SPG7: variants seen among roughly 807,000 people sequenced by gnomAD.
SPG7 encodes mitochondrial inner membrane m-AAA protease component paraplegin.
In SPG7, 103 loss-of-function variants were observed where a neutral mutation model predicts 81.9. The ratio of observed to expected loss-of-function variants is 1.26; its 90% CI spans 1.07 to 1.48. SPG7 has a LOEUF of 1.48. Ranked by LOEUF, SPG7 falls within the 40% of genes most tolerant of loss-of-function variation. The pLI is 0.00. For synonymous variants in SPG7, 534 were observed against 444.2 expected, an observed-to-expected ratio of 1.20 and a Z score of -2.54; for missense variants, 1,241 against 1,087.3, an observed-to-expected ratio of 1.14 and a Z score of -1.99.
intron 5 of SPG7, chr16:89,529,224 A>G (rs1358904160): frequency 5.3e-6 from 3 of 563,070 alleles, no homozygotes; most frequent in African/African-American, 1.9e-5. Flanking sequence ...TGTTATTGTC[A>G]CAAGGCTGGC....
In SPG7 at chr16:89,518,622, A is replaced by G. The variant is rs545014707; in HGVS notation, c.377-5384A>G. On this transcript the variant is annotated intron_variant, in intron 3 of 16. Transcript: ENST00000645818. ...ACGGAGTGGAAAAAAGGCCCCGCTCACTGATAACGCGGGTGAACCCAGAAG... is the reference window on the plus strand; with the variant it reads ...ACGGAGTGGAAAAAAGGCCCCGCTCGCTGATAACGCGGGTGAACCCAGAAG... 3.9e-5 allele frequency: 6 copies of G among 152,360 alleles called. No homozygotes were observed. The South Asian group carries it at 1.2e-3, about 32-fold the overall frequency. The allele number at this position is 152,360 out of a possible 1,614,324, so 9.4% of individuals were successfully genotyped here.
At chr16:89,550,354 G>C in intron 12 of SPG7, 140 bp from the exon 13 acceptor site, 1 of 698,286 alleles carries the variant, frequency 1.4e-6, no homozygotes, top group South Asian at 1.4e-5. Flanking sequence ...TCTATTTTTA[G>C]TAGGGACGGG....
intron 6 of SPG7, chr16:89,530,481 C>CT (rs1260671470): frequency 4.6e-6 from 3 of 655,438 alleles, no homozygotes; most frequent in African/African-American, 3.6e-5. Context: ...AGATAAGTTT[C>CT]TTACTAATTA....
chr16:89,532,068 T>G lies in SPG7; in HGVS notation c.1150+2T>G, dbSNP rs1597634065. The G allele has an allele frequency of 6.2e-7, 1 of 1,611,736 alleles. No homozygotes were observed. The highest frequency in any genetic ancestry group is 1.1e-5 in the South Asian group (1 of 91,018). On this transcript the variant is annotated splice_donor_variant, in intron 8 of 16. Coordinates refer to ENST00000645818, the MANE Select transcript of SPG7 (RefSeq NM_003119.4). LOFTEE classifies it high-confidence loss of function. ...CAGAGTTCGTGGAGGTCATTGGAGG[T>G]AGGTGCTGTGGTTGGGGGCTGTGGG...
intron 9 of SPG7, chr16:89,537,311 A>G: frequency 7.9e-7 from 1 of 1,258,560 alleles, no homozygotes; most frequent in Non-Finnish European, 1.0e-6. Flanking sequence ...CAAGTCAAAG[A>G]GCACTGGAGG....
chr16:89,541,456 G>A, intron 9 of SPG7: 1 of 501,728 alleles, frequency 2.0e-6, no homozygotes, highest in Non-Finnish European at 2.6e-6. Context: ...GTTAGGGGAG[G>A]TCTCCAGGGA....
intron 3 of SPG7, among the ~76,000 whole-genome samples, chr16:89,516,614 A>G (rs2152396274): frequency 6.6e-6 from 1 of 151,916 alleles, no homozygotes; most frequent in East Asian, 2.0e-4. Flanking sequence ...TCATCCCAGC[A>G]CTTTGGGAGG....
At chr16:89,509,169 CA>C (rs1414228714) in intron 1 of SPG7, among the ~76,000 whole-genome samples, 1 of 152,170 alleles carries the variant, frequency 6.6e-6, no homozygotes, top group Non-Finnish European at 1.5e-5. Flanking sequence ...TCCCGAAAAC[CA>C]GACCTTGTGT....
chr16:89,512,390 A>G (rs970087975), intron 2 of SPG7, among the ~76,000 whole-genome samples: 1 of 151,610 alleles, frequency 6.6e-6, no homozygotes. Flanking sequence ...ATCTCAGCTC[A>G]CTGCAACCTC....
chr16:89,546,810 GGTGT>G, intron 11 of SPG7, 50 bp downstream of exon 11: 5 of 1,258,978 alleles, frequency 4.0e-6, no homozygotes, highest in Non-Finnish European at 5.8e-6. Flanking sequence ...GAGGGCAGGT[GGTGT>G]CACCTGCGCA....
Position 89,557,070 on chromosome 16 carries a change from G to A in SPG7, c.2365G>A (p.Glu789Lys), listed in dbSNP as rs372033226. 8 of 1,611,664 alleles carry A rather than the reference G, an allele frequency of 5.0e-6. No homozygotes were observed. Among genetic ancestry groups the A allele is most frequent in the East Asian group, 4.5e-5 (2 of 44,894 alleles). Residue 789 changes from glutamate (E) to lysine (K), a missense_variant, in exon 17 of 17, where the codon GAA (glutamate) becomes AAA (lysine). Transcript: ENST00000645818. ...EETQQPPLGG[E>K]EPTWPK The stretch of plus-strand genomic sequence containing the variant: ...GACCCAGCAGCCTCCACTTGGAGGC[G>A]AAGAGCCGACTTGGCCCAAGTAGTT...
chr16:89,541,089 C>T (rs945869138), intron 9 of SPG7: 13 of 984,146 alleles, frequency 1.3e-5, no homozygotes, highest in East Asian at 2.3e-4. Flanking sequence ...ATCCTTATCA[C>T]GGTGTTGTAC....
intron 4 of SPG7, 137 bp downstream of exon 4, chr16:89,524,384 G>T (rs1195887549): frequency 1.3e-5 from 13 of 972,382 alleles, no homozygotes; most frequent in Non-Finnish European, 1.8e-5. Flanking sequence ...TGTGATTGAG[G>T]GCATGCTTCT....
chr16:89,524,044 C>T lies in SPG7; in HGVS notation c.415C>T (p.Arg139Ter), dbSNP rs370777371. ...CCGTGAGCGGGACGACCAGATGTAC[C>T]GAGAGCGGCTGCGCACCTTGCTGGT... Reference protein sequence around the residue: ...RRRERDDQMYRERLRTLLVIA... With the variant: ...RRRERDDQMY Residue 139 changes from arginine (R) to a stop codon, truncating the protein, a stop_gained, in exon 4 of 17, where the codon CGA (arginine) becomes TGA (stop). Coordinates refer to ENST00000645818, the MANE Select transcript of SPG7 (RefSeq NM_003119.4). LOFTEE classifies it high-confidence loss of function. 13 of 1,613,556 alleles carry T rather than the reference C, an allele frequency of 8.1e-6. No individual in the cohort carries two copies. The highest frequency in any genetic ancestry group is 6.6e-5 in the South Asian group (6 of 91,076).
Position 89,529,500 on chromosome 16 carries a change from CGGCAG to C in SPG7, c.783_787del (p.Ala262GlyfsTer25). On this transcript the variant is annotated frameshift_variant, in exon 6 of 17. Transcript: ENST00000645818. LOFTEE classifies it high-confidence loss of function. ...AGTGCCCTGTACTCTGTGGGGATGA[CGGCAG>C]TGGGCCTGGCCATCCTGTGGTATGT... The C allele has an allele frequency of 1.2e-6, 2 of 1,613,534 alleles. No individual in the cohort carries two copies. Among genetic ancestry groups the C allele is most frequent in the Non-Finnish European group, 1.7e-6 (2 of 1,179,676 alleles).
chr16:89,520,310 G>A (rs2058168737), intron 3 of SPG7: 1 of 159,336 alleles, frequency 6.3e-6, no homozygotes, highest in South Asian at 1.5e-4. Flanking sequence ...TTGAACAGAA[G>A]TTAAGGACTT....
chr16:89,525,029 G>A (rs939318678), intron 4 of SPG7, among the ~76,000 whole-genome samples: 1 of 144,570 alleles, frequency 6.9e-6, no homozygotes, highest in African/African-American at 2.6e-5. Flanking sequence ...GTGTGATGTC[G>A]GCTCACTGCA....
At chr16:89,531,761 T>C in intron 7 of SPG7, 143 bp from the exon 8 acceptor site, 1 of 794,308 alleles carries the variant, frequency 1.3e-6, no homozygotes, top group Non-Finnish European at 2.2e-6. Context: ...GAGGGTGGCT[T>C]GAACCCAGGA....
intron 9 of SPG7, among the ~76,000 whole-genome samples, chr16:89,535,076 A>G (rs11644192): frequency 0.13 from 19,889 of 152,200 alleles, 1,659 homozygotes; most frequent in Middle Eastern, 0.2. Context: ...GGCCAGTGAC[A>G]TTCAGGAATG....
Sources: allele counts gnomAD v4.1 joint callset (sites outside exome capture counted in the v4.1 genomes callset), GRCh38; gene constraint gnomAD v4.1.1; transcripts MANE v1.5; gene names NCBI Gene and HGNC (gene_info 2026-07-23, HGNC 2026-07-21).